Variants in NEGR1 observed in about 807,000 individuals in gnomAD.
The protein encoded by NEGR1 is IgLON family member 4.
A neutral mutation model predicts 40.9 loss-of-function variants in NEGR1; 10 were observed. That is an observed-to-expected ratio of 0.24 (90% CI 0.15 to 0.42). The LOEUF (loss-of-function observed/expected upper bound fraction) is 0.42, where lower values mean the gene tolerates loss of function less well. NEGR1 is among the 10% of genes least tolerant of loss of function. The pLI, the probability that NEGR1 is intolerant of heterozygous loss-of-function variation, is 1.00. For synonymous variants in NEGR1, 185 were observed against 166.8 expected (o/e 1.11, Z -0.84); for missense variants, 352 against 438.9 (o/e 0.80, Z 1.77).
At chr1:72,153,413 G>A (rs1651241449) in intron 1 of NEGR1, among the ~76,000 whole-genome samples, 2 of 151,764 alleles carry the variant, frequency 1.3e-5, no homozygotes, top group Admixed American at 1.3e-4. Context: ...TATCATGATA[G>A]CAGTATTTTT....
intron 1 of NEGR1, among the ~76,000 whole-genome samples, chr1:72,058,718 A>G (rs1486083): frequency 0.016 from 2,363 of 151,744 alleles, 60 homozygotes; most frequent in African/African-American, 0.055. Context: ...GCCATTGCCT[A>G]TTTATCGCTG....
intron 1 of NEGR1, among the ~76,000 whole-genome samples, chr1:72,189,195 C>T (rs1029955692): frequency 6.6e-6 from 1 of 151,342 alleles, no homozygotes; most frequent in African/African-American, 2.4e-5. Context: ...TATGTAATTA[C>T]GTTTTTGAGC....
chr1:71,779,027 C>A (rs1656609581), intron 2 of NEGR1, among the ~76,000 whole-genome samples: 1 of 152,076 alleles, frequency 6.6e-6, no homozygotes, highest in South Asian at 2.1e-4. Flanking sequence ...CTTCCAGGGC[C>A]TCATAATTCA....
chr1:71,458,465 C>T (rs1646690909), intron 6 of NEGR1, among the ~76,000 whole-genome samples: 1 of 152,190 alleles, frequency 6.6e-6, no homozygotes, highest in Non-Finnish European at 1.5e-5. Context: ...TTATACTTTT[C>T]ACATAGCAGG....
chr1:71,880,316 T>C (rs1660548172), intron 2 of NEGR1, among the ~76,000 whole-genome samples: 2 of 152,076 alleles, frequency 1.3e-5, no homozygotes, highest in South Asian at 4.1e-4. Context: ...GGTGGCATCA[T>C]AAAGTACAAT....
chr1:72,252,207 G>C (rs1264846087), intron 1 of NEGR1, among the ~76,000 whole-genome samples: 1 of 151,876 alleles, frequency 6.6e-6, no homozygotes, highest in African/African-American at 2.4e-5. Flanking sequence ...ACCATGCTCG[G>C]CTAATTTTGT....
chr1:71,512,344 A>T (rs1647080143), intron 6 of NEGR1, among the ~76,000 whole-genome samples: 1 of 152,186 alleles, frequency 6.6e-6, no homozygotes. Flanking sequence ...ATGGAAGCAG[A>T]TTATCTTGTG....
chr1:71,566,307 A>G (rs542379507), intron 6 of NEGR1, among the ~76,000 whole-genome samples: 5 of 152,332 alleles, frequency 3.3e-5, no homozygotes, highest in South Asian at 2.1e-4. Context: ...TGAGAAAAAT[A>G]TATCAACAAA....
intron 2 of NEGR1, among the ~76,000 whole-genome samples, chr1:71,791,276 T>C (rs1243130680): frequency 6.6e-6 from 1 of 152,042 alleles, no homozygotes; most frequent in African/African-American, 2.4e-5. Context: ...AGCAAAAATT[T>C]TAAAAACTCA....
At chr1:72,010,510 A>G (rs962040402) in intron 1 of NEGR1, among the ~76,000 whole-genome samples, 2 of 152,134 alleles carry the variant, frequency 1.3e-5, no homozygotes, top group South Asian at 2.1e-4. Context: ...ATAAAAATGA[A>G]ATCTCTGCCT....
At chr1:72,071,130 C>T (rs922850262) in intron 1 of NEGR1, among the ~76,000 whole-genome samples, 1 of 151,854 alleles carries the variant, frequency 6.6e-6, no homozygotes, top group African/African-American at 2.4e-5. Context: ...AATAGAACCA[C>T]AGGCATATCT....
At chr1:71,884,154 A>T (rs971996195) in intron 2 of NEGR1, among the ~76,000 whole-genome samples, 4 of 151,958 alleles carry the variant, frequency 2.6e-5, no homozygotes, top group African/African-American at 9.7e-5. Flanking sequence ...TCCTTACTCC[A>T]TCTCTTTCCT....
intron 3 of NEGR1, among the ~76,000 whole-genome samples, chr1:71,744,766 C>A (rs1655330402): frequency 6.6e-6 from 1 of 152,076 alleles, no homozygotes; most frequent in Non-Finnish European, 1.5e-5. Context: ...TTCATCAATG[C>A]CAACTTTAAA....
intron 1 of NEGR1, among the ~76,000 whole-genome samples, chr1:71,973,303 G>A (rs1021820245): frequency 6.9e-6 from 1 of 145,620 alleles, no homozygotes; most frequent in Non-Finnish European, 1.5e-5. Flanking sequence ...GCGACAGAGC[G>A]AGACTCCAAC....
At chr1:72,081,923 TATCAAGTTATTTA>T (rs1648016180) in intron 1 of NEGR1, among the ~76,000 whole-genome samples, 1 of 152,118 alleles carries the variant, frequency 6.6e-6, no homozygotes. Flanking sequence ...CGAATGACTG[TATCAAGTTATTTA>T]GTCTGTGGTT....
intron 1 of NEGR1, among the ~76,000 whole-genome samples, chr1:71,972,464 C>A (rs556442705): frequency 4.7e-4 from 71 of 152,278 alleles, no homozygotes; most frequent in African/African-American, 1.6e-3. Context: ...ATACTTCTGT[C>A]AGGTTAAATT....
intron 1 of NEGR1, among the ~76,000 whole-genome samples, chr1:72,069,298 G>C (rs1647363682): frequency 6.6e-6 from 1 of 151,820 alleles, no homozygotes; most frequent in African/African-American, 2.4e-5. Flanking sequence ...AAAACTCATA[G>C]CCAGGCATGG....
intron 1 of NEGR1, among the ~76,000 whole-genome samples, chr1:71,943,853 A>C (rs1014536651): frequency 1.3e-5 from 2 of 152,178 alleles, no homozygotes; most frequent in Non-Finnish European, 2.9e-5. Context: ...AAACATTCTG[A>C]GAAGTAGATA....
Position 71,407,371 on chromosome 1 carries a change from A to G in NEGR1, c.*75T>C, listed in dbSNP as rs1646284852. ...CTGATTATATCCCACGCTGCTTTTA[A>G]CAAACTGTACCAGATTGGATCCAGC... is the stretch of plus-strand genomic sequence containing the variant. On this transcript the variant is annotated 3_prime_UTR_variant, in exon 7 of 7. Coordinates refer to ENST00000357731, the MANE Select transcript of NEGR1 (RefSeq NM_173808.3). 6.9e-7 allele frequency: 1 copy of G among 1,450,906 alleles called. No individual in the cohort carries two copies. Among genetic ancestry groups the G allele is most frequent in the African/African-American group, 1.4e-5 (1 of 70,592 alleles). The allele number at this position is 1,450,906 out of a possible 1,614,324, so 89.9% of individuals were successfully genotyped here. A position where few individuals can be genotyped will look rare whatever the true frequency, so the allele number is the denominator to read the frequency against.
Sources: gnomAD v4.1 joint callset for allele counts (sites outside exome capture counted in the v4.1 genomes callset) on GRCh38, gnomAD v4.1.1 for gene constraint, MANE v1.5 for transcripts, NCBI Gene and HGNC (gene_info 2026-07-23, HGNC 2026-07-21) for gene names.